ADGRB3: variants seen among roughly 807,000 people sequenced by gnomAD.
ADGRB3 encodes brain-specific angiogenesis inhibitor 3.
Under a neutral mutation model 193.4 loss-of-function variants are expected in ADGRB3, and 37 were observed. The ratio of observed to expected loss-of-function variants is 0.19; its 90% CI spans 0.15 to 0.25. The LOEUF is 0.25. Ranked by LOEUF, ADGRB3 falls within the 10% of genes least tolerant of loss-of-function variation. ADGRB3 has a pLI of 1.00. For synonymous variants in ADGRB3, 690 were observed against 644.2 expected (o/e 1.07, Z -1.08); for missense variants, 1,637 against 1,852.9 (o/e 0.88, Z 2.14).
intron 20 of ADGRB3, among the ~76,000 whole-genome samples, chr6:69,267,618 GA>G (rs1343083222): frequency 5.9e-5 from 9 of 152,082 alleles, no homozygotes; most frequent in African/African-American, 1.7e-4. Flanking sequence ...ACAACCAATT[GA>G]ACAAATCAAA....
chr6:69,211,889 A>G (rs1765675203), intron 17 of ADGRB3, among the ~76,000 whole-genome samples: 1 of 152,232 alleles, frequency 6.6e-6, no homozygotes, highest in South Asian at 2.1e-4. Flanking sequence ...TATGGATTAC[A>G]ACCACATGTA....
At chr6:69,016,481 T>G (rs1770096673) in intron 12 of ADGRB3, among the ~76,000 whole-genome samples, 1 of 151,898 alleles carries the variant, frequency 6.6e-6, no homozygotes, top group African/African-American at 2.4e-5. Context: ...GCATAATTCA[T>G]CCTAAATTCA....
chr6:69,152,312 G>A (rs1226035931), intron 17 of ADGRB3, among the ~76,000 whole-genome samples: 1 of 152,216 alleles, frequency 6.6e-6, no homozygotes, highest in Non-Finnish European at 1.5e-5. Flanking sequence ...CACATCCAGA[G>A]AGAAACCTTG....
At chr6:69,386,928 A>G (rs1367829420) in intron 31 of ADGRB3, among the ~76,000 whole-genome samples, 3 of 152,090 alleles carry the variant, frequency 2.0e-5, no homozygotes, top group Non-Finnish European at 2.9e-5. Flanking sequence ...TTAACTATAC[A>G]TTCTTCTGTA....
intron 6 of ADGRB3, among the ~76,000 whole-genome samples, chr6:68,954,888 A>G (rs1297221367): frequency 1.3e-5 from 2 of 151,950 alleles, no homozygotes; most frequent in Non-Finnish European, 2.9e-5. Flanking sequence ...TCACCGTGTT[A>G]GCCAGAATGG....
chr6:69,156,057 A>C (rs961199022), intron 17 of ADGRB3, among the ~76,000 whole-genome samples: 2 of 152,192 alleles, frequency 1.3e-5, no homozygotes, highest in African/African-American at 4.8e-5. Flanking sequence ...TTAATTTAAA[A>C]ATATTTAATT....
intron 3 of ADGRB3, among the ~76,000 whole-genome samples, chr6:68,897,537 AG>A (rs1466631161): frequency 0.03 from 712 of 23,528 alleles, 66 homozygotes; most frequent in Non-Finnish European, 0.039. Flanking sequence ...AAGAGGAAAG[AG>A]GGAAGGAAGG....
rs1216784757 is a variant in ADGRB3 at position 68,711,437 on chromosome 6, G to GA, written c.757+72012dup. Reference sequence around the variant, plus strand: ...AATGTTGAGAATTATGAAAATGCCAGAAAAAAACATTTATATGCAGTTCTC... The same window carrying GA: ...AATGTTGAGAATTATGAAAATGCCAGAAAAAAAACATTTATATGCAGTTCTC... On this transcript the variant is annotated intron_variant, in intron 3 of 31. Transcript: ENST00000370598. Among the ~76,000 whole-genome samples the GA allele has an allele frequency of 5.3e-5, 8 of 152,008 alleles. No individual in the cohort carries two copies. The East Asian group carries it at 1.4e-3, about 26-fold the overall frequency.
intron 3 of ADGRB3, among the ~76,000 whole-genome samples, chr6:68,876,900 A>C (rs1383746516): frequency 6.6e-6 from 1 of 152,092 alleles, no homozygotes; most frequent in Non-Finnish European, 1.5e-5. Context: ...TTTTTTTCAA[A>C]ATTATAAATA....
chr6:69,308,903 G>A (rs1413010456), intron 20 of ADGRB3, among the ~76,000 whole-genome samples: 1 of 151,568 alleles, frequency 6.6e-6, no homozygotes, highest in Non-Finnish European at 1.5e-5. Context: ...ACCTTTCATT[G>A]GCAGGAACTT....
At chr6:68,815,300 C>T (rs1195655590) in intron 3 of ADGRB3, among the ~76,000 whole-genome samples, 1 of 152,084 alleles carries the variant, frequency 6.6e-6, no homozygotes, top group East Asian at 1.9e-4. Flanking sequence ...AAACTAAATA[C>T]TGAATCTCAA....
intron 3 of ADGRB3, among the ~76,000 whole-genome samples, chr6:68,873,917 C>A (rs1248931964): frequency 6.6e-6 from 1 of 151,944 alleles, no homozygotes; most frequent in Non-Finnish European, 1.5e-5. Context: ...ATTCTTTCTT[C>A]TCTCCAGATT....
At chr6:69,297,086 A>G (rs1024697959) in intron 20 of ADGRB3, among the ~76,000 whole-genome samples, 2 of 152,116 alleles carry the variant, frequency 1.3e-5, no homozygotes, top group African/African-American at 2.4e-5. Context: ...TAACTGATGC[A>G]CAACTGCATC....
At chr6:69,230,296 G>A (rs113083461) in intron 17 of ADGRB3, among the ~76,000 whole-genome samples, 29 of 152,010 alleles carry the variant, frequency 1.9e-4, no homozygotes, top group East Asian at 5.8e-4. Context: ...CAAACTAGAC[G>A]CCATAATTAA....
intron 3 of ADGRB3, among the ~76,000 whole-genome samples, chr6:68,904,123 G>GAGGA (rs199796630): frequency 6.1e-5 from 6 of 97,764 alleles, no homozygotes; most frequent in African/African-American, 1.1e-4. Flanking sequence ...GGGAGGGAGG[G>GAGGA]AGGAAGGAAG....
At chr6:69,019,982 G>A (rs1185278391) in intron 13 of ADGRB3, among the ~76,000 whole-genome samples, 1 of 151,980 alleles carries the variant, frequency 6.6e-6, no homozygotes, top group Non-Finnish European at 1.5e-5. Flanking sequence ...TCACAGCTAT[G>A]AGTTTTAAGG....
At chr6:69,018,934 C>T (rs1770179303) in intron 13 of ADGRB3, among the ~76,000 whole-genome samples, 2 of 151,954 alleles carry the variant, frequency 1.3e-5, no homozygotes, top group African/African-American at 4.8e-5. Context: ...CACTGATTGT[C>T]CCAGGCAGGA....
chr6:69,076,028 G>C lies in ADGRB3; in HGVS notation c.2470G>C (p.Asp824His), dbSNP rs754154623. 1 of 1,611,762 alleles carries C rather than the reference G, an allele frequency of 6.2e-7. No individual in the cohort carries two copies. The highest frequency in any genetic ancestry group is 1.7e-5 in the Admixed American group (1 of 59,872). Reference sequence around the variant, plus strand: ...GAATCCCTATTGTGTATTGTGGGATGACTCCAAAACGTAAGTGACAGATGT... The same window carrying C: ...GAATCCCTATTGTGTATTGTGGGATCACTCCAAAACGTAAGTGACAGATGT... Reference protein sequence around the residue: ...TLNPYCVLWDDSKTNESLGTW... With the variant: ...TLNPYCVLWDHSKTNESLGTW... The change falls in exon 17 of 32, where the codon GAC becomes CAC. Residue 824 changes from aspartate to histidine, a missense_variant. Physicochemically the swap from Asp to His is moderately conservative, Grantham distance 81. Coordinates refer to ENST00000370598, the MANE Select transcript of ADGRB3 (RefSeq NM_001704.3).
chr6:69,222,062 A>T (rs993723898), intron 17 of ADGRB3, among the ~76,000 whole-genome samples: 33 of 152,106 alleles, frequency 2.2e-4, no homozygotes. Flanking sequence ...TAATTATTTT[A>T]TTTCTCTTAA....
Sources: allele counts gnomAD v4.1 joint callset (sites outside exome capture counted in the v4.1 genomes callset), GRCh38; gene constraint gnomAD v4.1.1; transcripts MANE v1.5; gene names NCBI Gene and HGNC (gene_info 2026-07-23, HGNC 2026-07-21).